The following GPALPP1 variants were observed in gnomAD, a reference collection of about 807,000 sequenced individuals.
The protein encoded by GPALPP1 is GPALPP motifs-containing protein 1.
In GPALPP1, 30 loss-of-function variants were observed where a neutral mutation model predicts 38.9. That is an observed-to-expected ratio of 0.77 (90% CI 0.58 to 1.05). GPALPP1 has a LOEUF of 1.05. GPALPP1 is among the 50% of genes least tolerant of loss of function. GPALPP1 has a pLI of 0.00. For synonymous variants in GPALPP1, 120 were observed against 139.2 expected, an observed-to-expected ratio of 0.86 and a Z score of 0.97; for missense variants, 384 against 408.8, an observed-to-expected ratio of 0.94 and a Z score of 0.52.
intron 3 of GPALPP1, among the ~76,000 whole-genome samples, chr13:45,006,882 T>C (rs1160200448): frequency 1.3e-5 from 2 of 152,058 alleles, no homozygotes; most frequent in African/African-American, 4.8e-5. Flanking sequence ...ATAGTAAATA[T>C]TTATTCCTGT....
intron 7 of GPALPP1, among the ~76,000 whole-genome samples, chr13:45,022,759 A>G (rs1292669690): frequency 6.6e-6 from 1 of 152,200 alleles, no homozygotes; most frequent in Non-Finnish European, 1.5e-5. Context: ...TTGGCCAACC[A>G]TGGTGGCTCA....
intron 3 of GPALPP1, among the ~76,000 whole-genome samples, chr13:45,008,369 A>G (rs1874247809): frequency 6.6e-6 from 1 of 152,252 alleles, no homozygotes; most frequent in Non-Finnish European, 1.5e-5. Context: ...AGTTCTGACC[A>G]TAATTATAAT....
chr13:44,991,145 T>G (rs974216815), intron 1 of GPALPP1, among the ~76,000 whole-genome samples: 1 of 151,614 alleles, frequency 6.6e-6, no homozygotes, highest in Non-Finnish European at 1.5e-5. Flanking sequence ...CTGTAGGAGA[T>G]AGCTTTAAAA....
chr13:45,004,473 C>T (rs1192662154), intron 2 of GPALPP1, 36 bp downstream of exon 2: 3 of 1,521,502 alleles, frequency 2.0e-6, no homozygotes, highest in African/African-American at 2.7e-5. Context: ...ATAGACCAAA[C>T]TTCAGAGCTA....
At chr13:45,007,616 A>G (rs1019543362) in intron 3 of GPALPP1, among the ~76,000 whole-genome samples, 8 of 152,210 alleles carry the variant, frequency 5.3e-5, no homozygotes, top group Non-Finnish European at 1.2e-4. Flanking sequence ...GTTCTGCTCA[A>G]AGAAGTTTCA....
At chr13:45,001,031 G>A (rs576383756) in intron 1 of GPALPP1, among the ~76,000 whole-genome samples, 2 of 152,188 alleles carry the variant, frequency 1.3e-5, no homozygotes, top group African/African-American at 4.8e-5. Flanking sequence ...ATAATGTTTG[G>A]CTATGTCCCC....
intron 6 of GPALPP1, among the ~76,000 whole-genome samples, chr13:45,016,495 AT>A (rs1169051555): frequency 3.3e-5 from 5 of 152,204 alleles, no homozygotes; most frequent in Non-Finnish European, 2.9e-5. Flanking sequence ...CATAAAATAC[AT>A]TATTTTTAAT....
downstream of GPALPP1, chr13:45,034,726 CTTTTT>C (rs60212020): frequency 6.6e-5 from 9 of 135,366 alleles, no homozygotes; most frequent in African/African-American, 2.4e-4. Context: ...ATTTTTATTT[CTTTTT>C]TTTTTTTTTT....
chr13:45,037,475 CTT>C (rs1304508545), exon 8 of GPALPP1: 1 of 152,156 alleles, frequency 6.6e-6, no homozygotes, highest in Admixed American at 6.5e-5. Flanking sequence ...ACATAATTAA[CTT>C]AATATTGACC....
chr13:45,014,117 G>A (rs984687900), intron 4 of GPALPP1, among the ~76,000 whole-genome samples: 1 of 152,154 alleles, frequency 6.6e-6, no homozygotes, highest in Non-Finnish European at 1.5e-5. Flanking sequence ...TTATTAAGAT[G>A]GAAGTGAGAC....
chr13:45,001,242 G>A (rs1472400897), intron 1 of GPALPP1, among the ~76,000 whole-genome samples: 2 of 152,114 alleles, frequency 1.3e-5, no homozygotes, highest in Non-Finnish European at 2.9e-5. Context: ...TGTGAAGAAG[G>A]ATGTGTTTGC....
chr13:45,032,273 G>A (rs58005248), downstream of GPALPP1, among the ~76,000 whole-genome samples: 15,702 of 143,066 alleles, frequency 0.11, 1,429 homozygotes, highest in African/African-American at 0.24. Flanking sequence ...TAAAAAAAAA[G>A]AAAAAGAAAA....
chr13:45,018,359 T>G (rs1875027281), intron 6 of GPALPP1, among the ~76,000 whole-genome samples: 1 of 150,196 alleles, frequency 6.7e-6, no homozygotes, highest in South Asian at 2.1e-4. Context: ...ATTGTGCCAC[T>G]GCACTCCAGC....
chr13:45,002,549 T>G (rs376864192), intron 1 of GPALPP1: 1 of 152,222 alleles, frequency 6.6e-6, no homozygotes, highest in African/African-American at 2.4e-5. Flanking sequence ...CCAAAGACTT[T>G]GTTAGGTGTT....
chr13:45,016,681 C>T (rs1593399694), intron 6 of GPALPP1, among the ~76,000 whole-genome samples: 1 of 152,232 alleles, frequency 6.6e-6, no homozygotes, highest in South Asian at 2.1e-4. Context: ...CTCTCTGTCA[C>T]CCAGGTTGGA....
At position 44,990,276 on chromosome 13, in the gene GPALPP1, C is replaced by T. The variant is rs1872699406; in HGVS notation, c.88+534C>T. The T allele has an allele frequency of 1.3e-5, 3 of 231,166 alleles. No individual in the cohort carries two copies. The South Asian group carries it at 5.3e-4, about 41-fold the overall frequency. The allele number at this position is 231,166 out of a possible 1,614,324, so 14.3% of individuals were successfully genotyped here. A position where few individuals can be genotyped will look rare whatever the true frequency, so the allele number is the denominator to read the frequency against. On this transcript the variant is annotated intron_variant, in intron 1 of 7. Transcript: ENST00000379151. ...CATCTGACAAACACAGCCCAATACT[C>T]AATCCAGTCTGAGTTGCTGCGCAAT...
rs566815689 is a variant in GPALPP1, at chr13:45,006,270, C to T, written c.290C>T (p.Pro97Leu). Residue 97 changes from proline to leucine, a missense_variant, in exon 3 of 8, where the codon CCT becomes CTT. Transcript: ENST00000379151. The stretch of plus-strand genomic sequence containing the variant: ...GGGTTTTTTGGACCAGCCCTTCCTC[C>T]TGGATTTAAAAAGCAGGATGATTCT... ...DDGFFGPALP[P>L]GFKKQDDSPP... 2.0e-5 allele frequency: 32 copies of T among 1,605,682 alleles called. No individual in the cohort carries two copies. The highest frequency in any genetic ancestry group is 2.7e-5 in the Non-Finnish European group (32 of 1,173,654).
Position 44,998,761 on chromosome 13 carries a change from G to A in GPALPP1, c.89-5544G>A, listed in dbSNP as rs1325987346. The stretch of plus-strand genomic sequence containing the variant: ...CTTTATATTTGCATGATTTAACCAT[G>A]TCATGGGGTCAGCAAACTTTTCTTG... On this transcript the variant is annotated intron_variant, in intron 1 of 7. Coordinates refer to ENST00000379151, the MANE Select transcript of GPALPP1 (RefSeq NM_018559.5). Among the ~76,000 whole-genome samples the A allele has an allele frequency of 2.0e-5, 3 of 152,170 alleles. No individual in the cohort carries two copies. In the East Asian group the frequency reaches 5.8e-4, roughly 29 times the overall value.
At chr13:45,012,494 T>C (rs992903391) in intron 4 of GPALPP1, among the ~76,000 whole-genome samples, 2 of 152,152 alleles carry the variant, frequency 1.3e-5, no homozygotes, top group African/African-American at 4.8e-5. Flanking sequence ...TTATATAGGT[T>C]CAAAATTTTT....
Sources: gnomAD v4.1 joint callset for allele counts (sites outside exome capture counted in the v4.1 genomes callset) on GRCh38, gnomAD v4.1.1 for gene constraint, MANE v1.5 for transcripts, NCBI Gene and HGNC (gene_info 2026-07-23, HGNC 2026-07-21) for gene names.